Variants in NOXRED1 observed in about 807,000 individuals in gnomAD.
NOXRED1 encodes the protein NADP dependent oxidoreductase domain containing 1.
NOXRED1 carries 20 observed loss-of-function variants against 30.4 expected under a neutral mutation model. That is an observed-to-expected ratio of 0.66 (90% CI 0.46 to 0.96). The LOEUF (loss-of-function observed/expected upper bound fraction) is 0.96, where lower values mean the gene tolerates loss of function less well. Ranked by LOEUF, NOXRED1 falls within the 40% of genes least tolerant of loss-of-function variation. The probability of loss-of-function intolerance (pLI) is 0.00; values close to 1 mark genes in which losing one functional copy is unlikely to be tolerated. For synonymous variants in NOXRED1, 155 were observed against 168.0 expected (o/e 0.92, Z 0.60); for missense variants, 374 against 428.0 (o/e 0.87, Z 1.11).
Position 77,408,892 on chromosome 14 carries a change from A to AT in NOXRED1, c.350-1248dup, listed in dbSNP as rs1177680524. On this transcript the variant is annotated intron_variant, in intron 2 of 5. Coordinates refer to ENST00000380835, the MANE Select transcript of NOXRED1 (RefSeq NM_001113475.3). ...GCATAAAAACACTCACTGGTAGTTAATTTTTTTTTTTTTTTTTTTTGGCTA... is the reference window on the plus strand; with the variant it reads ...GCATAAAAACACTCACTGGTAGTTAATTTTTTTTTTTTTTTTTTTTTGGCTA... Among the ~76,000 whole-genome samples the AT allele has an allele frequency of 9.7e-4, 66 of 68,180 alleles. 4 individuals are homozygous for AT. The highest frequency in any genetic ancestry group is 3.9e-3 in the South Asian group (5 of 1,290). 44.7% of individuals were successfully genotyped at this position (68,180 alleles called of 152,430 possible). A position where few individuals can be genotyped will look rare whatever the true frequency, so the allele number is the denominator to read the frequency against.
At chr14:77,407,669 G>A (rs1364259184) in intron 2 of NOXRED1, 24 bp from the exon 3 acceptor site, 1 of 1,573,782 alleles carries the variant, frequency 6.4e-7, no homozygotes, top group South Asian at 1.1e-5. Flanking sequence ...AGGAAGACAG[G>A]AAGAGCACAG....
At chr14:77,419,427 G>A (rs1427567427) in intron 1 of NOXRED1, among the ~76,000 whole-genome samples, 1 of 132,934 alleles carries the variant, frequency 7.5e-6, no homozygotes, top group Non-Finnish European at 1.6e-5. Flanking sequence ...TGGTTGACAG[G>A]TTTTTTTTTT....
chr14:77,419,332 C>G (rs578173095), intron 1 of NOXRED1, among the ~76,000 whole-genome samples: 1 of 151,992 alleles, frequency 6.6e-6, no homozygotes, highest in South Asian at 2.1e-4. Flanking sequence ...CTCGGCCTCC[C>G]AAAGTGCTGG....
At chr14:77,401,339 T>C (rs1894323366) in intron 5 of NOXRED1, among the ~76,000 whole-genome samples, 1 of 151,246 alleles carries the variant, frequency 6.6e-6, no homozygotes, top group Non-Finnish European at 1.5e-5. Flanking sequence ...GCCACTGCAC[T>C]CCAGCATGGG....
At chr14:77,418,001 A>C (rs1197597671) in intron 1 of NOXRED1, among the ~76,000 whole-genome samples, 1 of 152,190 alleles carries the variant, frequency 6.6e-6, no homozygotes, top group Non-Finnish European at 1.5e-5. Context: ...ACCTATTTTA[A>C]GATGATAATG....
intron 1 of NOXRED1, among the ~76,000 whole-genome samples, chr14:77,420,100 T>G (rs1341826421): frequency 6.6e-6 from 1 of 152,172 alleles, no homozygotes; most frequent in Admixed American, 6.5e-5. Context: ...GACATTCCCA[T>G]AAGGCATATA....
intron 1 of NOXRED1, among the ~76,000 whole-genome samples, chr14:77,415,969 C>T (rs1894811831): frequency 6.6e-6 from 1 of 152,132 alleles, no homozygotes; most frequent in South Asian, 2.1e-4. Flanking sequence ...CCCACCTCCG[C>T]CTCCCAAAGT....
intron 1 of NOXRED1, among the ~76,000 whole-genome samples, chr14:77,420,380 T>C (rs2205190): frequency 7.0e-6 from 1 of 143,776 alleles, no homozygotes; most frequent in Non-Finnish European, 1.5e-5. Context: ...TTTTTTTTGT[T>C]TTGTTTTGTT....
At chr14:77,400,770 C>CT (rs1413550026) in intron 5 of NOXRED1, among the ~76,000 whole-genome samples, 1 of 152,170 alleles carries the variant, frequency 6.6e-6, no homozygotes, top group African/African-American at 2.4e-5. Flanking sequence ...AAGTCAGTGT[C>CT]TTTTCTATAT....
At position 77,422,987 on chromosome 14, in the gene NOXRED1, G is replaced by C; in HGVS notation, c.-98C>G. The C allele has an allele frequency of 3.1e-6, 3 of 980,856 alleles. No individual in the cohort carries two copies. Among genetic ancestry groups the C allele is most frequent in the Middle Eastern group, 6.5e-4 (2 of 3,076 alleles). 60.8% of individuals were successfully genotyped at this position (980,856 alleles called of 1,614,324 possible). A position where few individuals can be genotyped will look rare whatever the true frequency, so the allele number is the denominator to read the frequency against. On this transcript the variant is annotated 5_prime_UTR_variant, in exon 1 of 6. Transcript: ENST00000380835. ...ATGTAGGAGGTGTGTGTATGATGGT[G>C]TGTGTGCCCAGGTCACAAGCACTCA...
In NOXRED1 at chr14:77,407,510, T is replaced by G. The variant is rs765873973; in HGVS notation, c.485A>C (p.Lys162Thr). 1.9e-6 allele frequency: 3 copies of G among 1,614,120 alleles called. No homozygotes were observed. The Admixed American group carries it at 5.0e-5, about 27-fold the overall frequency. Residue 162 changes from lysine (K) to threonine (T), a missense_variant, in exon 3 of 6, where the codon AAG becomes ACG. Physicochemically the swap from Lys to Thr is moderately conservative, Grantham distance 78 (BLOSUM62 -1). Transcript: ENST00000380835. ...ICVEIYTSLE[K>T]ASIVYSFVAA... ...TACAAAGCTGTACACAATGCTGGCC[T>G]TCTCAAGGCTGGTGTAAATTTCTAC...
intron 5 of NOXRED1, among the ~76,000 whole-genome samples, chr14:77,403,590 A>G (rs1317600935): frequency 1.3e-5 from 2 of 152,098 alleles, no homozygotes; most frequent in Non-Finnish European, 2.9e-5. Context: ...CAGGAGGTGG[A>G]GGTTGCAGTG....
intron 1 of NOXRED1, among the ~76,000 whole-genome samples, chr14:77,415,623 T>TAGACAGACAGAC (rs1377062641): frequency 5.2e-4 from 75 of 143,638 alleles, no homozygotes; most frequent in African/African-American, 1.8e-3. Context: ...GATAGATAGA[T>TAGACAGACAGAC]AGATAGATAG....
intron 5 of NOXRED1, 114 bp downstream of exon 5, chr14:77,405,799 A>C (rs1427602906): frequency 3.0e-6 from 2 of 656,474 alleles, no homozygotes; most frequent in Non-Finnish European, 5.2e-6. Context: ...CTTTACAAAA[A>C]GGTATAATTT....
At position 77,406,623 on chromosome 14, in the gene NOXRED1, A is replaced by ACC. The variant is rs1555362863; in HGVS notation, c.682+100_682+101insGG. ...CACACACACACACACACACACACAC[A>ACC]CACACACACACAGAGAGAGAGAGAT... On this transcript the variant is annotated intron_variant, in intron 4 of 5. Coordinates refer to ENST00000380835, the MANE Select transcript of NOXRED1 (RefSeq NM_001113475.3). 9 of 630,500 alleles carry ACC rather than the reference A, an allele frequency of 1.4e-5. No individual in the cohort carries two copies. In the African/African-American group the frequency reaches 1.9e-4, roughly 13 times the overall value. 39.1% of individuals were successfully genotyped at this position (630,500 alleles called of 1,614,324 possible). A position where few individuals can be genotyped will look rare whatever the true frequency, so the allele number is the denominator to read the frequency against.
intron 5 of NOXRED1, among the ~76,000 whole-genome samples, chr14:77,401,805 C>T (rs556171788): frequency 1.2e-4 from 19 of 152,270 alleles, no homozygotes; most frequent in African/African-American, 4.1e-4. Context: ...TTTAAAGCTA[C>T]AGTAATCATG....
At chr14:77,400,033 G>A (rs1379827543) in intron 5 of NOXRED1, among the ~76,000 whole-genome samples, 1 of 152,114 alleles carries the variant, frequency 6.6e-6, no homozygotes, top group Admixed American at 6.6e-5. Context: ...TGATTTTTAG[G>A]ATCATGCAAG....
Position 77,394,378 on chromosome 14 carries a change from G to A in NOXRED1, c.*253C>T. On this transcript the variant is annotated 3_prime_UTR_variant, in exon 6 of 6. Transcript: ENST00000380835. ...TTTGTATTAACAAGACTTTTCTGCG[G>A]GAGCAGCTTACTTAAGTTAGGTTGT... is the stretch of plus-strand genomic sequence containing the variant. 3.1e-6 allele frequency: 1 copy of A among 322,458 alleles called. No homozygotes were observed. Among genetic ancestry groups the A allele is most frequent in the Non-Finnish European group, 5.6e-6 (1 of 178,472 alleles). 20.0% of individuals were successfully genotyped at this position (322,458 alleles called of 1,614,324 possible). A position where few individuals can be genotyped will look rare whatever the true frequency, so the allele number is the denominator to read the frequency against.
intron 1 of NOXRED1, among the ~76,000 whole-genome samples, chr14:77,420,957 G>A (rs934992888): frequency 6.6e-6 from 1 of 152,148 alleles, no homozygotes; most frequent in African/African-American, 2.4e-5. Context: ...CTGCAGTACT[G>A]CAGGTTCTCT....
Sources: allele counts gnomAD v4.1 joint callset (sites outside exome capture counted in the v4.1 genomes callset), GRCh38; gene constraint gnomAD v4.1.1; transcripts MANE v1.5; gene names NCBI Gene and HGNC (gene_info 2026-07-23, HGNC 2026-07-21).